Variants in COL5A1 observed in about 807,000 individuals in gnomAD.
COL5A1 encodes the protein collagen type V alpha 1 chain, also known as collagen alpha-1(V) chain.
COL5A1 carries 16 observed loss-of-function variants against 263.7 expected under a neutral mutation model. That is an observed-to-expected ratio of 0.06 (90% CI 0.04 to 0.09). COL5A1 has a LOEUF of 0.09. Ranked by LOEUF, COL5A1 falls within the 10% of genes least tolerant of loss-of-function variation. The pLI is 1.00. For synonymous variants in COL5A1, 1,012 were observed against 1,004.5 expected (o/e 1.01, Z -0.14); for missense variants, 2,036 against 2,540.5 (o/e 0.80, Z 4.27).
chr9:134,776,498 T>G (rs1297980659), intron 27 of COL5A1, among the ~76,000 whole-genome samples: 1 of 152,224 alleles, frequency 6.6e-6, no homozygotes, highest in Non-Finnish European at 1.5e-5. Context: ...TTTAAAATTA[T>G]TTTCATCGGG....
chr9:134,795,087 C>T lies in COL5A1; in HGVS notation c.2706C>T (p.Thr902=), dbSNP rs781027757. Residue 902 remains threonine (T), a synonymous_variant, in exon 33 of 66, where the codon ACC becomes ACT. Transcript: ENST00000371817. Reference sequence around the variant, plus strand: ...AGCCCCTTCTCTGATTCTAGGGGACCCCTGGAAAGCCAGGACCGCGGGGGC... The same window carrying T: ...AGCCCCTTCTCTGATTCTAGGGGACTCCTGGAAAGCCAGGACCGCGGGGGC... ...GANGEKGGRG[T]PGKPGPRGQR... 4.3e-6 allele frequency: 7 copies of T among 1,613,914 alleles called. No individual in the cohort carries two copies. Among genetic ancestry groups the T allele is most frequent in the Non-Finnish European group, 5.9e-6 (7 of 1,180,004 alleles).
chr9:134,836,820 C>T (rs572990888), intron 65 of COL5A1, among the ~76,000 whole-genome samples: 12 of 152,352 alleles, frequency 7.9e-5, no homozygotes, highest in East Asian at 7.7e-4. Flanking sequence ...CCGTGCTCAG[C>T]GGGGGCCGCC....
intron 4 of COL5A1, among the ~76,000 whole-genome samples, chr9:134,724,631 C>T (rs1253052380): frequency 6.6e-6 from 1 of 152,218 alleles, no homozygotes; most frequent in African/African-American, 2.4e-5. Flanking sequence ...GCACAGAGCT[C>T]ACAGCTGTGA....
rs147172074 is a variant in COL5A1 at position 134,647,343 on chromosome 9, CAT to C, written c.109+5048_109+5049del. On this transcript the variant is annotated intron_variant, in intron 1 of 65. Coordinates refer to ENST00000371817, the MANE Select transcript of COL5A1 (RefSeq NM_000093.5). This position sits in a 1 kb window ranked among gnomAD's most constrained non-coding sequence, Gnocchi z 5.0. Reference sequence around the variant, plus strand: ...AGAAGCCAATTCCAGGGTTTGCACTCATGTGTGCGTTTGTGTGTATGTGTGTC... The same window carrying C: ...AGAAGCCAATTCCAGGGTTTGCACTCGTGTGCGTTTGTGTGTATGTGTGTC... Among the ~76,000 whole-genome samples the C allele has an allele frequency of 0.019, 2,841 of 152,164 alleles. 108 individuals are homozygous for C. Among genetic ancestry groups the C allele is most frequent in the African/African-American group, 0.065 (2,696 of 41,486 alleles).
At chr9:134,693,909 G>A (rs1366376976) in intron 2 of COL5A1, among the ~76,000 whole-genome samples, 2 of 152,162 alleles carry the variant, frequency 1.3e-5, no homozygotes, top group African/African-American at 2.4e-5. Flanking sequence ...CAGCCTAAGC[G>A]CTAGGGGAGC....
intron 25 of COL5A1, among the ~76,000 whole-genome samples, chr9:134,769,014 C>T (rs556887958): frequency 5.9e-5 from 9 of 152,282 alleles, no homozygotes; most frequent in South Asian, 4.1e-4. Context: ...ACTCAGAATG[C>T]GTGCGTGCGT....
chr9:134,789,203 G>A lies in COL5A1; in HGVS notation c.2695G>A (p.Gly899Ser), dbSNP rs149964491. Residue 899 changes from glycine (G) to serine (S), a missense_variant, in exon 32 of 66, where the codon GGC becomes AGC. Transcript: ENST00000371817. This position sits in a 1 kb window ranked among gnomAD's most constrained non-coding sequence, Gnocchi z 4.8. ...GFPGANGEKG[G>S]RGTPGKPGPR... ...TCCTGGCGCCAATGGAGAGAAGGGC[G>A]GCAGGGTAAGGATAGCCTGGCCCCT... 3.5e-4 allele frequency: 570 copies of A among 1,612,736 alleles called. 2 individuals carry two copies. The African/African-American group carries it at 5.7e-3, about 16-fold the overall frequency.
chr9:134,823,860 ATGTG>A (rs5901054), intron 61 of COL5A1, among the ~76,000 whole-genome samples: 1 of 151,920 alleles, frequency 6.6e-6, no homozygotes, highest in Admixed American at 6.6e-5. Context: ...TTGTATGTGC[ATGTG>A]TGTGTGCATG....
In COL5A1 at chr9:134,701,095, C is replaced by G. The variant is rs73665738; in HGVS notation, c.492-76C>G. 5,067 of 1,495,412 alleles carry G rather than the reference C, an allele frequency of 3.4e-3. 78 individuals carry two copies. The African/African-American group carries it at 0.046, about 13-fold the overall frequency. The allele number at this position is 1,495,412 out of a possible 1,614,324, so 92.6% of individuals were successfully genotyped here. The stretch of plus-strand genomic sequence containing the variant: ...GGAAGTGGGCCTTCTTCCTGTGTCT[C>G]GAGGAATTTGCAGCAAAATTGCTTG... On this transcript the variant is annotated intron_variant, in intron 3 of 65. Coordinates refer to ENST00000371817, the MANE Select transcript of COL5A1 (RefSeq NM_000093.5).
At chr9:134,766,883 T>G in intron 22 of COL5A1, 117 bp from the exon 23 acceptor site, 1 of 992,474 alleles carries the variant, frequency 1.0e-6, no homozygotes, top group Non-Finnish European at 1.6e-6. Context: ...CCCGCTGGCA[T>G]TAGGCAGTGG....
intron 18 of COL5A1, among the ~76,000 whole-genome samples, chr9:134,761,288 CACAA>C (rs1836429298): frequency 6.6e-6 from 1 of 151,918 alleles, no homozygotes; most frequent in African/African-American, 2.4e-5. Context: ...CATGCACTCA[CACAA>C]ACACACAGGC....
At chr9:134,730,523 G>A (rs1205314244) in intron 7 of COL5A1, 48 bp downstream of exon 7, 2 of 1,611,088 alleles carry the variant, frequency 1.2e-6, no homozygotes, top group South Asian at 1.1e-5. Context: ...GTGGGCCAAG[G>A]GCCAGGGCTG....
chr9:134,659,402 C>T (rs986915314), intron 1 of COL5A1, among the ~76,000 whole-genome samples: 1 of 152,136 alleles, frequency 6.6e-6, no homozygotes, highest in East Asian at 1.9e-4. Flanking sequence ...TAATAATAAT[C>T]ATAATCATAA....
intron 9 of COL5A1, among the ~76,000 whole-genome samples, chr9:134,736,535 T>C (rs535457367): frequency 6.6e-6 from 1 of 152,346 alleles, no homozygotes; most frequent in East Asian, 1.9e-4. Context: ...CACGGTTGCA[T>C]TGAGGATTCA....
rs1364668026 is a variant in COL5A1, at chr9:134,757,272, T to C, written c.1881+454T>C. ...GCTGCACCAGGCATGCACCAGCTGT[T>C]GCTGTCGCCACTCATGCCTGCCCGC... On this transcript the variant is annotated intron_variant, in intron 17 of 65. Transcript: ENST00000371817. The surrounding 1 kb of genome is among the most constrained non-coding windows in gnomAD (Gnocchi z 6.2). Among the ~76,000 whole-genome samples, 1 of 152,128 alleles carries C rather than the reference T, an allele frequency of 6.6e-6. No homozygotes were observed. The highest frequency in any genetic ancestry group is 1.5e-5 in the Non-Finnish European group (1 of 68,016).
At chr9:134,668,295 G>A (rs779151684) in intron 1 of COL5A1, among the ~76,000 whole-genome samples, 4 of 152,208 alleles carry the variant, frequency 2.6e-5, no homozygotes, top group Non-Finnish European at 5.9e-5. Flanking sequence ...TTCAGAGGTA[G>A]CAATGTCTAA....
At chr9:134,748,028 TAC>T (rs373708323) in intron 11 of COL5A1, among the ~76,000 whole-genome samples, 9 of 120,064 alleles carry the variant, frequency 7.5e-5, no homozygotes, top group Admixed American at 2.3e-4. Flanking sequence ...CATGCATTCA[TAC>T]ACATGCAGAC....
At position 134,754,731 on chromosome 9, in the gene COL5A1, T is replaced by C. The variant is rs942581478; in HGVS notation, c.1827+405T>C. Among the ~76,000 whole-genome samples, 40 of 152,160 alleles carry C rather than the reference T, an allele frequency of 2.6e-4. No homozygotes were observed. Among genetic ancestry groups the C allele is most frequent in the Non-Finnish European group, 2.9e-5 (2 of 68,030 alleles). On this transcript the variant is annotated intron_variant, in intron 16 of 65. Coordinates refer to ENST00000371817, the MANE Select transcript of COL5A1 (RefSeq NM_000093.5). This position sits in a 1 kb window ranked among gnomAD's most constrained non-coding sequence, Gnocchi z 4.3. ...CCTTCCTGCGCCTTACCTGCTGTCTTGCCTCCTGGAATTTTCTGTCTGGTG... is the reference window on the plus strand; with the variant it reads ...CCTTCCTGCGCCTTACCTGCTGTCTCGCCTCCTGGAATTTTCTGTCTGGTG...
intron 13 of COL5A1, among the ~76,000 whole-genome samples, chr9:134,751,818 G>A (rs1835791096): frequency 6.6e-6 from 1 of 152,186 alleles, no homozygotes; most frequent in Non-Finnish European, 1.5e-5. Context: ...GCACAGAGTC[G>A]TTACCATGGA....
Sources: allele counts gnomAD v4.1 joint callset (sites outside exome capture counted in the v4.1 genomes callset), GRCh38; gene constraint gnomAD v4.1.1; non-coding constraint Gnocchi (gnomAD v3.1); transcripts MANE v1.5; gene names NCBI Gene and HGNC (gene_info 2026-07-23, HGNC 2026-07-21).